The following TOX2 variants were observed in gnomAD, a reference collection of about 807,000 sequenced individuals.
The protein encoded by TOX2 is granulosa cell HMG box 1.
TOX2 carries 15 observed loss-of-function variants against 47.4 expected under a neutral mutation model. The ratio of observed to expected loss-of-function variants is 0.32; its 90% CI spans 0.21 to 0.49. The LOEUF (loss-of-function observed/expected upper bound fraction) is 0.49, where lower values mean the gene tolerates loss of function less well. Among genes scored for constraint, TOX2 ranks in the 20% least tolerant of loss-of-function variants. The pLI is 0.99. For missense variants in TOX2, 622 were observed against 673.1 expected, an observed-to-expected ratio of 0.92 and a Z score of 0.84; for synonymous variants, 290 against 296.6, an observed-to-expected ratio of 0.98 and a Z score of 0.23.
chr20:43,979,569 G>A (rs927725766), intron 2 of TOX2, among the ~76,000 whole-genome samples: 3 of 152,048 alleles, frequency 2.0e-5, no homozygotes, highest in African/African-American at 7.3e-5. Context: ...TACAGCAAAG[G>A]AAACAATCAA....
chr20:44,033,564 A>G (rs1039036527), intron 3 of TOX2, among the ~76,000 whole-genome samples: 9 of 152,172 alleles, frequency 5.9e-5, no homozygotes, highest in Admixed American at 2.0e-4. Context: ...AGTACTTACA[A>G]GAGGGAGATG....
At chr20:44,039,314 G>A in intron 3 of TOX2, 1 of 1,288,812 alleles carries the variant, frequency 7.8e-7, no homozygotes, top group Non-Finnish European at 1.0e-6. Context: ...CTGGGAAGGG[G>A]CTGGAGAGGT....
intron 1 of TOX2, among the ~76,000 whole-genome samples, chr20:43,948,108 G>T (rs897003409): frequency 6.6e-6 from 1 of 152,220 alleles, no homozygotes; most frequent in Non-Finnish European, 1.5e-5. Context: ...GCACATTGTT[G>T]GTGCTCAGTA....
intron 5 of TOX2, among the ~76,000 whole-genome samples, chr20:44,063,420 A>G (rs919616234): frequency 2.0e-5 from 3 of 152,204 alleles, no homozygotes; most frequent in Non-Finnish European, 4.4e-5. Flanking sequence ...AATCAAAACC[A>G]CCTTACTCCT....
rs956446124 is a variant in TOX2 at position 43,915,768 on chromosome 20, C to T, written c.99+778C>T. ...CCGAGTAGGCTGCGGCCAATCGAGG[C>T]CTGTGTCCTCCCGGGAGCGGTGAGC... On this transcript the variant is annotated intron_variant, in intron 1 of 8. Transcript: ENST00000341197. This position sits in a 1 kb window ranked among gnomAD's most constrained non-coding sequence, Gnocchi z 7.1. 2.0e-5 allele frequency among the ~76,000 whole-genome samples: 3 copies of T among 152,388 alleles called. No individual in the cohort carries two copies. The highest frequency in any genetic ancestry group is 7.2e-5 in the African/African-American group (3 of 41,598).
chr20:44,007,018 T>A (rs1197351904), intron 3 of TOX2, among the ~76,000 whole-genome samples: 4 of 152,188 alleles, frequency 2.6e-5, no homozygotes, highest in Admixed American at 6.5e-5. Context: ...ATCAGCACAC[T>A]GCTTCCTTCT....
intron 2 of TOX2, among the ~76,000 whole-genome samples, chr20:44,000,327 G>A (rs563628016): frequency 8.1e-4 from 123 of 152,324 alleles, no homozygotes; most frequent in Non-Finnish European, 4.7e-4. Context: ...CAAAGAGGGT[G>A]ATGGCTCAAG....
At chr20:43,951,707 G>GTTTTGTTTTTTTTTTTTTTTTTTTTTTTT (rs2069571650) in intron 1 of TOX2, among the ~76,000 whole-genome samples, 1 of 55,098 alleles carries the variant, frequency 1.8e-5, no homozygotes, top group Non-Finnish European at 3.9e-5. Context: ...AACTTATTAT[G>GTTTTGTTTTTTTTTTTTTTTTTTTTTTTT]TTTTTTTTTT....
intron 1 of TOX2, among the ~76,000 whole-genome samples, chr20:43,920,983 A>G (rs1447773080): frequency 6.6e-6 from 1 of 152,202 alleles, no homozygotes; most frequent in Non-Finnish European, 1.5e-5. Context: ...TATTTGCTGA[A>G]TGAATGAATG....
At chr20:44,054,222 GC>G in intron 4 of TOX2, 76 bp from the exon 5 acceptor site, 1 of 1,479,182 alleles carries the variant, frequency 6.8e-7, no homozygotes, top group South Asian at 1.2e-5. Flanking sequence ...GTGCAGCTCG[GC>G]CCAAGTCTGT....
chr20:43,988,052 G>A (rs187932069), intron 2 of TOX2, among the ~76,000 whole-genome samples: 12 of 151,234 alleles, frequency 7.9e-5, no homozygotes, highest in East Asian at 5.8e-4. Context: ...CCTGAGTAGC[G>A]GGGATTACAG....
intron 5 of TOX2, among the ~76,000 whole-genome samples, chr20:44,056,951 C>T (rs769180783): frequency 3.9e-5 from 6 of 152,058 alleles, no homozygotes; most frequent in African/African-American, 7.3e-5. Context: ...ACTCTGTCAC[C>T]CAGGCTAGAG....
intron 3 of TOX2, among the ~76,000 whole-genome samples, chr20:44,016,124 C>T (rs960907145): frequency 6.6e-6 from 1 of 151,922 alleles, no homozygotes; most frequent in Admixed American, 6.6e-5. Flanking sequence ...GATGCGTTCA[C>T]ACTGGGAGAG....
Position 43,915,735 on chromosome 20 carries a change from C to A in TOX2, c.99+745C>A, listed in dbSNP as rs6031222. On this transcript the variant is annotated intron_variant, in intron 1 of 8. Coordinates refer to ENST00000341197, the MANE Select transcript of TOX2 (RefSeq NM_001098797.2). The surrounding 1 kb of genome is among the most constrained non-coding windows in gnomAD (Gnocchi z 7.1). ...ATTGGCCGTCACTGCCTGGCGGGGC[C>A]TCGGATTCCGAGTAGGCTGCGGCCA... Among the ~76,000 whole-genome samples, 15 of 152,394 alleles carry A rather than the reference C, an allele frequency of 9.8e-5. No homozygotes were observed. The highest frequency in any genetic ancestry group is 3.6e-4 in the African/African-American group (15 of 41,600).
chr20:43,940,662 G>T (rs1169798158), intron 1 of TOX2, among the ~76,000 whole-genome samples: 3 of 152,104 alleles, frequency 2.0e-5, no homozygotes, highest in Admixed American at 1.3e-4. Context: ...GGAGGGAGAA[G>T]AGGTGACTGC....
intron 2 of TOX2, among the ~76,000 whole-genome samples, chr20:43,996,165 C>T (rs1185304639): frequency 6.6e-6 from 1 of 152,174 alleles, no homozygotes; most frequent in Non-Finnish European, 1.5e-5. Context: ...TGCAACCTTG[C>T]CAGGATCTGT....
At chr20:44,065,683 T>C (rs777022704) in intron 6 of TOX2, 29 bp from the exon 7 acceptor site, 5 of 1,550,942 alleles carry the variant, frequency 3.2e-6, no homozygotes, top group Middle Eastern at 1.7e-4. Context: ...TCTTCTGTTC[T>C]CCAGTGACTG....
intron 1 of TOX2, among the ~76,000 whole-genome samples, chr20:43,934,084 G>C (rs894431327): frequency 8.6e-5 from 13 of 151,790 alleles, no homozygotes; most frequent in African/African-American, 2.7e-4. Context: ...GGTGGGGATG[G>C]GGGGAGGGTC....
intron 1 of TOX2, among the ~76,000 whole-genome samples, chr20:43,917,902 A>AAAAAGG (rs2069075471): frequency 1.3e-5 from 2 of 152,198 alleles, no homozygotes; most frequent in Admixed American, 1.3e-4. Flanking sequence ...TTGTGGCCCC[A>AAAAAGG]TGGCTCCCAG....
Sources: allele counts gnomAD v4.1 joint callset (sites outside exome capture counted in the v4.1 genomes callset), GRCh38; gene constraint gnomAD v4.1.1; non-coding constraint Gnocchi (gnomAD v3.1); transcripts MANE v1.5; gene names NCBI Gene and HGNC (gene_info 2026-07-23, HGNC 2026-07-21).